IDE: variants seen among roughly 807,000 people sequenced by gnomAD.
The protein encoded by IDE is insulin degrading enzyme.
A neutral mutation model predicts 133.2 loss-of-function variants in IDE; 58 were observed. The ratio of observed to expected loss-of-function variants is 0.44; its 90% CI spans 0.35 to 0.54. The LOEUF is 0.54. Among genes scored for constraint, IDE ranks in the 20% least tolerant of loss-of-function variants. The probability of loss-of-function intolerance (pLI) is 0.00; values close to 1 mark genes in which losing one functional copy is unlikely to be tolerated. For missense variants in IDE, 981 were observed against 1,234.0 expected (o/e 0.79, Z 3.07); for synonymous variants, 396 against 421.3 (o/e 0.94, Z 0.73).
At chr10:92,487,375 T>C (rs1847065074) in intron 12 of IDE, 57 bp from the exon 13 acceptor site, 8 of 1,450,268 alleles carry the variant, frequency 5.5e-6, no homozygotes, top group Admixed American at 1.9e-5. Flanking sequence ...GAGTTTAAAA[T>C]AGTATCTCTG....
chr10:92,537,091 A>T (rs1180382409), intron 2 of IDE, among the ~76,000 whole-genome samples: 3 of 152,202 alleles, frequency 2.0e-5, no homozygotes, highest in Non-Finnish European at 4.4e-5. Flanking sequence ...CCACGGTAAA[A>T]AAAAAAATCA....
At chr10:92,500,004 A>T (rs1392921919) in intron 11 of IDE, among the ~76,000 whole-genome samples, 1 of 152,174 alleles carries the variant, frequency 6.6e-6, no homozygotes, top group African/African-American at 2.4e-5. Context: ...TCAAAAATAA[A>T]ATCAACTGAC....
Position 92,566,663 on chromosome 10 carries a change from GA to G in IDE, c.98+7258del, listed in dbSNP as rs199557974. 4.0e-3 allele frequency among the ~76,000 whole-genome samples: 538 copies of G among 135,760 alleles called. 1 individual carries two copies. Among genetic ancestry groups the G allele is most frequent in the East Asian group, 0.018 (83 of 4,642 alleles). 89.1% of individuals were successfully genotyped at this position (135,760 alleles called of 152,430 possible). ...GTGGGGATGGTTAATGGGTACCAAA[GA>G]AAAAAAAAAAGACCTAGGATTTGAT... is the stretch of plus-strand genomic sequence containing the variant. On this transcript the variant is annotated intron_variant, in intron 1 of 24. Transcript: ENST00000265986.
rs372096552 is a variant in IDE at position 92,511,162 on chromosome 10, C to G, written c.785-1000G>C. ...TGTTGCACAGGCTGGAGTGCAGTGG[C>G]ACAATCCCAGCTAACTGCAACCTCT... On this transcript the variant is annotated intron_variant, in intron 5 of 24. Coordinates refer to ENST00000265986, the MANE Select transcript of IDE (RefSeq NM_004969.4). Among the ~76,000 whole-genome samples the G allele has an allele frequency of 2.4e-3, 347 of 145,552 alleles. 12 individuals carry two copies. In the South Asian group the frequency reaches 0.055, roughly 23 times the overall value.
Position 92,507,615 on chromosome 10 carries a change from C to A in IDE, c.1205G>T (p.Arg402Leu), listed in dbSNP as rs775329426. The A allele has an allele frequency of 6.8e-6, 11 of 1,609,572 alleles. No individual in the cohort carries two copies. In the East Asian group the frequency reaches 1.8e-4, roughly 26 times the overall value. Residue 402 changes from arginine to leucine, a missense_variant, in exon 9 of 25, where the codon CGT becomes CTT. Around this residue, in one of 2 missense-constraint regions of IDE, gnomAD observed 660 missense variants for 894.7 expected, o/e 0.74. Coordinates refer to ENST00000265986, the MANE Select transcript of IDE (RefSeq NM_004969.4). ...LHMFQYIQKL[R>L]AEGPQEWVFQ... ...AACCCATTCTTGAGGTCCTTCTGCA[C>A]GTAACTTCTGAATGTATTGAAACAT...
Position 92,573,969 on chromosome 10 carries a change from GA to G in IDE, c.50del (p.Phe17SerfsTer26). The G allele has an allele frequency of 1.3e-6, 2 of 1,489,234 alleles. No homozygotes were observed. The highest frequency in any genetic ancestry group is 1.8e-6 in the Non-Finnish European group (2 of 1,123,946). 92.3% of individuals were successfully genotyped at this position (1,489,234 alleles called of 1,614,324 possible). ...WLLHPALPSTFRSVLGARLPP... is the reference protein window; with the variant it reads ...WLLHPALPSTXRSVLGARLPP... Reference sequence around the variant, plus strand: ...GCAGGCGGGCGCCGAGGACTGAGCGGAAGGTGCTGGGCAGTGCGGGGTGCAG... The same window carrying G: ...GCAGGCGGGCGCCGAGGACTGAGCGGAGGTGCTGGGCAGTGCGGGGTGCAG... On this transcript the variant is annotated frameshift_variant, in exon 1 of 25. Transcript: ENST00000265986. LOFTEE classifies it high-confidence loss of function.
chr10:92,462,024 A>G (rs1564591862), intron 21 of IDE, among the ~76,000 whole-genome samples: 1 of 151,966 alleles, frequency 6.6e-6, no homozygotes, highest in African/African-American at 2.4e-5. Context: ...AATAAAAGTA[A>G]GTGGATGTTG....
chr10:92,566,860 T>C (rs1209637829), intron 1 of IDE, among the ~76,000 whole-genome samples: 1 of 152,210 alleles, frequency 6.6e-6, no homozygotes, highest in East Asian at 1.9e-4. Flanking sequence ...CTAAATCTTT[T>C]ATGGTTAACA....
intron 13 of IDE, among the ~76,000 whole-genome samples, chr10:92,483,551 T>A (rs1846748450): frequency 6.6e-6 from 1 of 152,182 alleles, no homozygotes; most frequent in Non-Finnish European, 1.5e-5. Flanking sequence ...AAATCTGCCT[T>A]CTATTTCCCC....
intron 4 of IDE, among the ~76,000 whole-genome samples, chr10:92,523,570 A>C (rs1849347748): frequency 6.6e-6 from 1 of 151,156 alleles, no homozygotes; most frequent in Non-Finnish European, 1.5e-5. Flanking sequence ...GCATTGTGGT[A>C]TGTGCCTATA....
At chr10:92,526,702 T>C (rs772196958) in intron 4 of IDE, among the ~76,000 whole-genome samples, 1 of 151,874 alleles carries the variant, frequency 6.6e-6, no homozygotes, top group Non-Finnish European at 1.5e-5. Flanking sequence ...AATAATTAGC[T>C]GAGTGTGGTA....
intron 22 of IDE, among the ~76,000 whole-genome samples, chr10:92,458,555 G>A (rs910474867): frequency 7.2e-6 from 1 of 138,848 alleles, no homozygotes; most frequent in African/African-American, 2.7e-5. Flanking sequence ...AGGCTGGAGT[G>A]CAGTGGTGCT....
intron 1 of IDE, among the ~76,000 whole-genome samples, chr10:92,558,104 G>A (rs140542003): frequency 0.021 from 3,176 of 152,276 alleles, 49 homozygotes; most frequent in Admixed American, 0.052. Context: ...CCAGGCTGGA[G>A]TGCAAAGGCG....
In IDE at chr10:92,487,303, C is replaced by A. The variant is rs1847059440; in HGVS notation, c.1549G>T (p.Asp517Tyr). ...DEVIKKWQNA[D>Y]LNGKFKLPTK... is the part of the protein sequence containing the mutation. ...GGAAGTTTAAATTTCCCATTCAGGT[C>A]AGCATTTTGCCATTTCTGGATGAAT... Residue 517 changes from aspartate to tyrosine, a missense_variant, in exon 13 of 25, where the codon GAC becomes TAC. Physicochemically the swap from Asp to Tyr is radical, Grantham distance 160 (BLOSUM62 -3). Coordinates refer to ENST00000265986, the MANE Select transcript of IDE (RefSeq NM_004969.4). The A allele has an allele frequency of 1.9e-6, 3 of 1,610,752 alleles. No individual in the cohort carries two copies. The highest frequency in any genetic ancestry group is 2.2e-5 in the South Asian group (2 of 90,250).
chr10:92,526,478 A>G (rs899934817), intron 4 of IDE, among the ~76,000 whole-genome samples: 1 of 152,142 alleles, frequency 6.6e-6, no homozygotes, highest in Non-Finnish European at 1.5e-5. Context: ...TTTATTTAAC[A>G]TTATTATGGG....
At chr10:92,497,635 A>T in intron 11 of IDE, 1 of 626,856 alleles carries the variant, frequency 1.6e-6, no homozygotes, top group Non-Finnish European at 2.0e-6. Flanking sequence ...TGCAATGTTA[A>T]ACTTGTCTCA....
chr10:92,487,391 T>A, intron 12 of IDE, 73 bp from the exon 13 acceptor site: 1 of 1,247,572 alleles, frequency 8.0e-7, no homozygotes, highest in South Asian at 1.4e-5. Flanking sequence ...CTCTGCTCAA[T>A]ATATGGGCAA....
chr10:92,525,638 G>T (rs1849582023), intron 4 of IDE, among the ~76,000 whole-genome samples: 2 of 150,958 alleles, frequency 1.3e-5, no homozygotes, highest in Admixed American at 1.3e-4. Context: ...AAAACCTGAA[G>T]ACTCTATCAA....
chr10:92,506,328 A>G (rs531828727), intron 10 of IDE, 114 bp downstream of exon 10: 8 of 478,212 alleles, frequency 1.7e-5, no homozygotes, highest in Non-Finnish European at 1.1e-5. Context: ...TACAAAGTTG[A>G]AAGCTTTATA....
Sources: gnomAD v4.1 joint callset for allele counts (sites outside exome capture counted in the v4.1 genomes callset) on GRCh38, gnomAD v4.1.1 for gene constraint, gnomAD v4.1.1 regional missense constraint, MANE v1.5 for transcripts, NCBI Gene and HGNC (gene_info 2026-07-23, HGNC 2026-07-21) for gene names.